LRRC28: variants seen among roughly 807,000 people sequenced by gnomAD.
LRRC28 encodes leucine-rich repeat-containing protein 28.
In LRRC28, 39 loss-of-function variants were observed where a neutral mutation model predicts 45.7. The observed-to-expected ratio is 0.85, with a 90% CI of 0.66 to 1.12. LRRC28 has a LOEUF of 1.12. Ranked by LOEUF, LRRC28 falls within the 50% of genes most tolerant of loss-of-function variation. The pLI is 0.00. For missense variants in LRRC28, 435 were observed against 438.5 expected (o/e 0.99, Z 0.07); for synonymous variants, 206 against 178.8 (o/e 1.15, Z -1.22).
chr15:99,258,115 C>T, intron 2 of LRRC28: 1 of 1,597,246 alleles, frequency 6.3e-7, no homozygotes. Flanking sequence ...ACCTTGGTAC[C>T]ATAGCCAAAT....
rs368508068 is a variant in LRRC28, at chr15:99,334,575, T to C, written c.592+446T>C. 7.9e-5 allele frequency among the ~76,000 whole-genome samples: 12 copies of C among 152,264 alleles called. No homozygotes were observed. The East Asian group carries it at 2.1e-3, about 27-fold the overall frequency. ...GCCAGATAACCAGATTATAAAACTT[T>C]AAAGACCTTAAAATTGGCTGAACTT... On this transcript the variant is annotated intron_variant, in intron 6 of 9. Coordinates refer to ENST00000301981, the MANE Select transcript of LRRC28 (RefSeq NM_144598.5).
At chr15:99,343,853 C>G (rs1956597331) in intron 6 of LRRC28, among the ~76,000 whole-genome samples, 1 of 152,116 alleles carries the variant, frequency 6.6e-6, no homozygotes, top group Non-Finnish European at 1.5e-5. Flanking sequence ...TCATGAAGTA[C>G]ACGTTCGTAT....
At chr15:99,327,446 T>C in intron 5 of LRRC28, among the ~76,000 whole-genome samples, 1 of 152,354 alleles carries the variant, frequency 6.6e-6, no homozygotes. Flanking sequence ...TTGTATCTTT[T>C]TAGAAATATG....
At chr15:99,381,319 CA>C in intron 9 of LRRC28, among the ~76,000 whole-genome samples, 1 of 152,276 alleles carries the variant, frequency 6.6e-6, no homozygotes, top group Non-Finnish European at 1.5e-5. Context: ...TCCAGTTGAT[CA>C]AATCGGCTAC....
intron 5 of LRRC28, among the ~76,000 whole-genome samples, chr15:99,325,989 C>A (rs767484676): frequency 6.6e-6 from 1 of 152,142 alleles, no homozygotes; most frequent in Non-Finnish European, 1.5e-5. Flanking sequence ...TGGTTGAGTT[C>A]AGGCAAGAGA....
At chr15:99,374,895 C>T (rs1957583601) in intron 9 of LRRC28, among the ~76,000 whole-genome samples, 2 of 151,940 alleles carry the variant, frequency 1.3e-5, no homozygotes, top group African/African-American at 4.8e-5. Context: ...TCTCGATCTC[C>T]TGACCTCGTG....
Position 99,352,462 on chromosome 15 carries a change from G to A in LRRC28, c.686G>A (p.Gly229Glu), listed in dbSNP as rs1956914594. 1.2e-6 allele frequency: 2 copies of A among 1,611,350 alleles called. No individual in the cohort carries two copies. Among genetic ancestry groups the A allele is most frequent in the Non-Finnish European group, 1.7e-6 (2 of 1,178,780 alleles). Residue 229 changes from glycine to glutamate, a missense_variant, in exon 7 of 10, where the codon GGG becomes GAG. Physicochemically the swap from Gly to Glu is moderately conservative, Grantham distance 98. Transcript: ENST00000301981. ...LPSYLYNKVI[G>E]CSGCGAPIQV... ...TCTTATCTGTACAATAAAGTCATCG[G>A]GTGCAGTGGGTAAGGCCGATTTCAC...
At chr15:99,326,898 A>G (rs1239440031) in intron 5 of LRRC28, among the ~76,000 whole-genome samples, 2 of 152,202 alleles carry the variant, frequency 1.3e-5, no homozygotes, top group African/African-American at 4.8e-5. Flanking sequence ...TAATGTTCAT[A>G]GAATGAGTTG....
At position 99,389,501 on chromosome 15, in the gene LRRC28, T is replaced by A. The variant is rs1027766555; in HGVS notation, c.*3399T>A. 6.6e-6 allele frequency: 1 copy of A among 152,198 alleles called. No individual in the cohort carries two copies. Among genetic ancestry groups the A allele is most frequent in the Non-Finnish European group, 1.5e-5 (1 of 68,022 alleles). The allele number at this position is 152,198 out of a possible 1,614,324, so 9.4% of individuals were successfully genotyped here. ...TTAAACACAATACATTGCCTCAGCA[T>A]AAATAAAAACATTTTTATTAAGATG... On this transcript the variant is annotated 3_prime_UTR_variant, in exon 10 of 10. Coordinates refer to ENST00000301981, the MANE Select transcript of LRRC28 (RefSeq NM_144598.5).
intron 2 of LRRC28, among the ~76,000 whole-genome samples, chr15:99,263,732 C>T (rs1034730283): frequency 6.6e-6 from 1 of 152,174 alleles, no homozygotes; most frequent in African/African-American, 2.4e-5. Flanking sequence ...ATTTGTATGA[C>T]ACCGAAGACT....
chr15:99,258,044 A>T, intron 2 of LRRC28: 1 of 1,305,558 alleles, frequency 7.7e-7, no homozygotes, highest in Non-Finnish European at 1.1e-6. Flanking sequence ...TGATAAGGTG[A>T]AGAACCTACT....
chr15:99,345,155 C>T (rs993724206), intron 6 of LRRC28, among the ~76,000 whole-genome samples: 6 of 151,800 alleles, frequency 4.0e-5, no homozygotes, highest in Admixed American at 6.6e-5. Context: ...GAAACTAAGC[C>T]GCACATTTAG....
At chr15:99,333,747 C>A in intron 5 of LRRC28, 176 bp from the exon 6 acceptor site, 1 of 657,552 alleles carries the variant, frequency 1.5e-6, no homozygotes, top group Non-Finnish European at 2.6e-6. Flanking sequence ...TTTAAAAACA[C>A]TCACCTAGCT....
At chr15:99,351,670 C>T (rs1016028274) in intron 6 of LRRC28, among the ~76,000 whole-genome samples, 4 of 152,194 alleles carry the variant, frequency 2.6e-5, no homozygotes, top group Non-Finnish European at 5.9e-5. Flanking sequence ...CTCCTCCATC[C>T]ACCTTTGCCC....
chr15:99,272,746 A>G (rs1054531271), intron 2 of LRRC28, among the ~76,000 whole-genome samples: 6 of 152,198 alleles, frequency 3.9e-5, no homozygotes, highest in Non-Finnish European at 5.9e-5. Flanking sequence ...TGATTTAGAG[A>G]AACAATTTCT....
At chr15:99,354,293 T>C (rs1956981055) in intron 7 of LRRC28, among the ~76,000 whole-genome samples, 1 of 152,234 alleles carries the variant, frequency 6.6e-6, no homozygotes, top group Non-Finnish European at 1.5e-5. Context: ...AATACTTCTA[T>C]GGCAAAATGT....
chr15:99,259,678 T>G (rs2081135956), intron 2 of LRRC28: 1 of 1,389,000 alleles, frequency 7.2e-7, no homozygotes, highest in Admixed American at 1.7e-5. Flanking sequence ...TTGAAATTAA[T>G]CCCAGACATC....
chr15:99,350,779 A>G (rs1208029125), intron 6 of LRRC28, among the ~76,000 whole-genome samples: 2 of 152,048 alleles, frequency 1.3e-5, no homozygotes, highest in East Asian at 1.9e-4. Flanking sequence ...TTCAAAGACT[A>G]TGTTCTTTCT....
intron 2 of LRRC28, among the ~76,000 whole-genome samples, chr15:99,270,671 T>C (rs1239421049): frequency 1.3e-5 from 2 of 152,238 alleles, no homozygotes; most frequent in Non-Finnish European, 2.9e-5. Context: ...TGTTTACCCA[T>C]TCATCTACTG....
Sources: gnomAD v4.1 joint callset for allele counts (sites outside exome capture counted in the v4.1 genomes callset) on GRCh38, gnomAD v4.1.1 for gene constraint, MANE v1.5 for transcripts, NCBI Gene and HGNC (gene_info 2026-07-23, HGNC 2026-07-21) for gene names.